The following EPM2A variants were observed in gnomAD, a reference collection of about 807,000 sequenced individuals.
EPM2A encodes EPM2A glucan phosphatase, laforin, also known as laforin.
EPM2A carries 21 observed loss-of-function variants against 26.5 expected under a neutral mutation model. The ratio of observed to expected loss-of-function variants is 0.79; its 90% CI spans 0.56 to 1.14. The LOEUF is 1.14. Among genes scored for constraint, EPM2A ranks in the 50% most tolerant of loss-of-function variants. The pLI, the probability that EPM2A is intolerant of heterozygous loss-of-function variation, is 0.00. For missense variants in EPM2A, 458 were observed against 440.8 expected, an observed-to-expected ratio of 1.04 and a Z score of -0.35; for synonymous variants, 217 against 177.6, an observed-to-expected ratio of 1.22 and a Z score of -1.76.
chr6:145,626,586 T>G lies in EPM2A; in HGVS notation c.*830A>C. 1 of 985,594 alleles carries G rather than the reference T, an allele frequency of 1.0e-6. No homozygotes were observed. The highest frequency in any genetic ancestry group is 1.2e-6 in the Non-Finnish European group (1 of 829,898). The allele number at this position is 985,594 out of a possible 1,614,324, so 61.1% of individuals were successfully genotyped here. Reference sequence around the variant, plus strand: ...AGACAAAACTAAATGCACTACATGATGCTGGGAAAACAAGTTGTGATGAAA... The same window carrying G: ...AGACAAAACTAAATGCACTACATGAGGCTGGGAAAACAAGTTGTGATGAAA... On this transcript the variant is annotated 3_prime_UTR_variant, in exon 4 of 4. Coordinates refer to ENST00000367519, the MANE Select transcript of EPM2A (RefSeq NM_005670.4).
At chr6:145,658,099 A>C (rs550786421) in intron 2 of EPM2A, among the ~76,000 whole-genome samples, 12 of 152,244 alleles carry the variant, frequency 7.9e-5, no homozygotes, top group Non-Finnish European at 1.6e-4. Flanking sequence ...CTGCATTAGC[A>C]AGAAAGCAGC....
At chr6:145,679,563 T>C (rs1158501288) in intron 2 of EPM2A, among the ~76,000 whole-genome samples, 1 of 151,742 alleles carries the variant, frequency 6.6e-6, no homozygotes, top group East Asian at 1.9e-4. Context: ...ATCAAAGAAA[T>C]AATTGAAGAA....
chr6:145,735,295 G>A lies in EPM2A; in HGVS notation c.204C>T (p.Ala68=). The change falls in exon 1 of 4, where the codon GCC becomes GCT. Residue 68 remains alanine (A), a synonymous_variant. Transcript: ENST00000367519. Reference sequence around the variant, plus strand: ...CCGCCCCGTCCTGCGCCGCCTCCTCGGCCGCCAGCTCCACCTCCCCGAGCC... The same window carrying A: ...CCGCCCCGTCCTGCGCCGCCTCCTCAGCCGCCAGCTCCACCTCCCCGAGCC... ...GLWLGEVELA[A]EEAAQDGAEP... is the part of the protein sequence containing the mutation. 6.8e-7 allele frequency: 1 copy of A among 1,476,024 alleles called. No individual in the cohort carries two copies. The highest frequency in any genetic ancestry group is 3.0e-5 in the East Asian group (1 of 33,626). 91.4% of individuals were successfully genotyped at this position (1,476,024 alleles called of 1,614,324 possible).
intron 1 of EPM2A, among the ~76,000 whole-genome samples, chr6:145,690,667 C>A (rs1357807185): frequency 6.8e-6 from 1 of 147,430 alleles, no homozygotes; most frequent in Non-Finnish European, 1.5e-5. Flanking sequence ...TAAAGGCCAA[C>A]ACCAAGAGAA....
chr6:145,584,111 C>T (rs962313151), intron 2 of EPM2A, among the ~76,000 whole-genome samples: 6 of 152,148 alleles, frequency 3.9e-5, no homozygotes, highest in Non-Finnish European at 5.9e-5. Flanking sequence ...GAGGTTCACC[C>T]ATGTGCGTGC....
chr6:145,403,226 C>T (rs1341341889), intron 4 of EPM2A, among the ~76,000 whole-genome samples: 1 of 152,038 alleles, frequency 6.6e-6, no homozygotes, highest in East Asian at 1.9e-4. Context: ...AAACATTTAT[C>T]CTTTGAGTTA....
At chr6:145,433,650 G>A (rs942711818) in intron 4 of EPM2A, among the ~76,000 whole-genome samples, 5 of 152,006 alleles carry the variant, frequency 3.3e-5, no homozygotes, top group Admixed American at 1.3e-4. Flanking sequence ...TTGTCAACAC[G>A]TTCTTGGAAA....
At chr6:145,715,341 A>G (rs1775556338) in intron 1 of EPM2A, among the ~76,000 whole-genome samples, 3 of 152,118 alleles carry the variant, frequency 2.0e-5, no homozygotes, top group Admixed American at 1.3e-4. Flanking sequence ...AAAGAACCGC[A>G]CAGGGACAGC....
At chr6:145,716,699 C>A (rs746557204) in intron 1 of EPM2A, among the ~76,000 whole-genome samples, 1 of 152,070 alleles carries the variant, frequency 6.6e-6, no homozygotes, top group Non-Finnish European at 1.5e-5. Flanking sequence ...GCTCTCCCCT[C>A]ATCACCACCA....
chr6:145,627,980 A>C lies in EPM2A; in HGVS notation c.719-287T>G, dbSNP rs999190112. 4 of 453,512 alleles carry C rather than the reference A, an allele frequency of 8.8e-6. No individual in the cohort carries two copies. The Admixed American group carries it at 1.6e-4, about 18-fold the overall frequency. 28.1% of individuals were successfully genotyped at this position (453,512 alleles called of 1,614,324 possible). On this transcript the variant is annotated intron_variant, in intron 3 of 3. Transcript: ENST00000367519. ...CATCCATGCAAATATCCCTCCAAAG[A>C]AAAGTGACCTATCGCCTGTCATCAG... is the stretch of plus-strand genomic sequence containing the variant.
At position 145,430,337 on chromosome 6, in the gene EPM2A, C is replaced by T. The variant is rs191920078; in HGVS notation, c.556-46240G>A. Among the ~76,000 whole-genome samples the T allele has an allele frequency of 2.2e-3, 333 of 152,258 alleles. 3 individuals carry two copies. The highest frequency in any genetic ancestry group is 7.1e-3 in the African/African-American group (293 of 41,560). ...ATCATTGGCCCAGAGCGGTGGCTCA[C>T]GGTTGTAACCCCAGCACTTTGGGAG... is the stretch of plus-strand genomic sequence containing the variant. On this transcript the variant is annotated intron_variant, in intron 4 of 4. Coordinates refer to the EPM2A transcript ENST00000638717.
intron 2 of EPM2A, among the ~76,000 whole-genome samples, chr6:145,658,061 T>G (rs1778422409): frequency 6.6e-6 from 1 of 152,218 alleles, no homozygotes; most frequent in South Asian, 2.1e-4. Context: ...CTATATTTAC[T>G]ATTTTAATGT....
intron 2 of EPM2A, among the ~76,000 whole-genome samples, chr6:145,589,922 C>T (rs1426093323): frequency 6.6e-6 from 1 of 151,496 alleles, no homozygotes; most frequent in Non-Finnish European, 1.5e-5. Context: ...AAAGAATACT[C>T]CCATCCTTAA....
intron 2 of EPM2A, among the ~76,000 whole-genome samples, chr6:145,617,326 C>G (rs567865602): frequency 6.6e-6 from 1 of 152,278 alleles, no homozygotes; most frequent in East Asian, 1.9e-4. Context: ...CCACATGGAA[C>G]TGTAAGTCCA....
At chr6:145,452,394 T>C (rs1489161441) in intron 4 of EPM2A, among the ~76,000 whole-genome samples, 4 of 145,248 alleles carry the variant, frequency 2.8e-5, no homozygotes, top group Non-Finnish European at 5.9e-5. Context: ...TCTCTATCAG[T>C]AGAGAAACTG....
intron 4 of EPM2A, among the ~76,000 whole-genome samples, chr6:145,402,562 T>C (rs1240706765): frequency 2.6e-5 from 4 of 152,174 alleles, no homozygotes; most frequent in Admixed American, 6.5e-5. Flanking sequence ...TTTTGGTAAT[T>C]ATAGTCTGAT....
At chr6:145,711,788 T>C (rs1350719084) in intron 1 of EPM2A, among the ~76,000 whole-genome samples, 2 of 152,294 alleles carry the variant, frequency 1.3e-5, no homozygotes, top group Non-Finnish European at 2.9e-5. Context: ...TTCAGGGACT[T>C]TAAAATGCAT....
intron 4 of EPM2A, among the ~76,000 whole-genome samples, chr6:145,446,906 T>G (rs977338547): frequency 9.2e-5 from 14 of 152,112 alleles, no homozygotes; most frequent in Non-Finnish European, 2.1e-4. Context: ...TTTCATATAG[T>G]TGTCCTTTTT....
intron 1 of EPM2A, chr6:145,721,776 C>T (rs1355199308): frequency 2.6e-5 from 4 of 152,172 alleles, no homozygotes; most frequent in African/African-American, 9.7e-5. Context: ...TATCAGATGC[C>T]TATTATTTCT....
Sources: allele counts gnomAD v4.1 joint callset (sites outside exome capture counted in the v4.1 genomes callset), GRCh38; gene constraint gnomAD v4.1.1; transcripts MANE v1.5; gene names NCBI Gene and HGNC (gene_info 2026-07-23, HGNC 2026-07-21).